NEK1: variants seen among roughly 807,000 people sequenced by gnomAD.
NEK1 encodes the protein NIMA related kinase 1, also known as serine/threonine-protein kinase Nek1.
In NEK1, 137 loss-of-function variants were observed where a neutral mutation model predicts 182.1. The ratio of observed to expected loss-of-function variants is 0.75; its 90% CI spans 0.65 to 0.87. NEK1 has a LOEUF of 0.87. Ranked by LOEUF, NEK1 falls within the 40% of genes least tolerant of loss-of-function variation. NEK1 has a pLI of 0.00. For synonymous variants in NEK1, 513 were observed against 492.2 expected (o/e 1.04, Z -0.56); for missense variants, 1,391 against 1,494.4 (o/e 0.93, Z 1.14).
intron 23 of NEK1, among the ~76,000 whole-genome samples, chr4:169,494,510 G>A (rs1263839747): frequency 6.6e-6 from 1 of 152,134 alleles, no homozygotes; most frequent in African/African-American, 2.4e-5. Context: ...TTGGACATCT[G>A]GGTTGGTTCC....
intron 7 of NEK1, 99 bp from the exon 8 acceptor site, chr4:169,588,834 TC>T: frequency 1.4e-6 from 1 of 735,068 alleles, no homozygotes; most frequent in East Asian, 2.7e-5. Context: ...ATGATGCTGG[TC>T]CCATAAGATT....
At chr4:169,475,764 CA>C (rs1400045787) in intron 26 of NEK1, among the ~76,000 whole-genome samples, 1 of 151,966 alleles carries the variant, frequency 6.6e-6, no homozygotes, top group Non-Finnish European at 1.5e-5. Flanking sequence ...GATAGAAAAA[CA>C]ACTCCTTAAA....
intron 21 of NEK1, 98 bp downstream of exon 21, chr4:169,508,150 T>C: frequency 9.8e-7 from 1 of 1,021,746 alleles, no homozygotes; most frequent in East Asian, 2.8e-5. Context: ...GTCATCAGTT[T>C]TGTTGTTGTT....
chr4:169,423,236 G>A (rs953259565), intron 31 of NEK1, among the ~76,000 whole-genome samples: 2 of 152,080 alleles, frequency 1.3e-5, no homozygotes, highest in African/African-American at 4.8e-5. Context: ...CCAAATAGCT[G>A]GGATTACAGG....
intron 23 of NEK1, among the ~76,000 whole-genome samples, chr4:169,503,226 G>C (rs1171334368): frequency 1.3e-5 from 2 of 152,088 alleles, no homozygotes; most frequent in East Asian, 3.9e-4. Context: ...GAAAATCATA[G>C]ATGACATAAA....
intron 30 of NEK1, 93 bp from the exon 31 acceptor site, chr4:169,424,893 A>T (rs1736107279): frequency 7.6e-7 from 1 of 1,313,096 alleles, no homozygotes; most frequent in Non-Finnish European, 1.0e-6. Context: ...CACAAATTCT[A>T]GCAAAAAACC....
At chr4:169,467,286 C>G (rs1464888018) in intron 26 of NEK1, among the ~76,000 whole-genome samples, 1 of 152,000 alleles carries the variant, frequency 6.6e-6, no homozygotes, top group African/African-American at 2.4e-5. Context: ...AGATTTTTGA[C>G]TACACGGGGG....
chr4:169,502,911 C>T (rs1256279482), intron 23 of NEK1, among the ~76,000 whole-genome samples: 2 of 152,078 alleles, frequency 1.3e-5, no homozygotes, highest in South Asian at 2.1e-4. Flanking sequence ...AAATAAAAGA[C>T]ATCCAAATAG....
intron 11 of NEK1, among the ~76,000 whole-genome samples, chr4:169,577,948 T>C (rs1357312303): frequency 6.6e-6 from 1 of 152,014 alleles, no homozygotes; most frequent in African/African-American, 2.4e-5. Flanking sequence ...CTTAAAACAA[T>C]CATTATCATT....
intron 26 of NEK1, among the ~76,000 whole-genome samples, chr4:169,465,786 T>C (rs781050037): frequency 2.0e-5 from 3 of 152,038 alleles, no homozygotes; most frequent in African/African-American, 4.8e-5. Context: ...ACTAATAATA[T>C]AGATTGCTGC....
chr4:169,496,907 T>C (rs1314649200), intron 23 of NEK1, among the ~76,000 whole-genome samples: 5 of 152,238 alleles, frequency 3.3e-5, no homozygotes, highest in South Asian at 2.1e-4. Flanking sequence ...ATCAGGATGA[T>C]GTTGGCCTCA....
chr4:169,453,043 G>A (rs370382057), intron 27 of NEK1, among the ~76,000 whole-genome samples: 20 of 152,250 alleles, frequency 1.3e-4, no homozygotes, highest in African/African-American at 4.6e-4. Context: ...GCCAAATCAT[G>A]AGTGAACTCC....
At chr4:169,416,386 A>T (rs1029901507) in intron 31 of NEK1, among the ~76,000 whole-genome samples, 1 of 152,214 alleles carries the variant, frequency 6.6e-6, no homozygotes, top group Non-Finnish European at 1.5e-5. Flanking sequence ...GTTCCTTCTC[A>T]AACCGTGTGG....
chr4:169,416,701 T>A (rs1306282639), intron 31 of NEK1, among the ~76,000 whole-genome samples: 1 of 152,148 alleles, frequency 6.6e-6, no homozygotes, highest in Non-Finnish European at 1.5e-5. Context: ...GCCCAGGAGT[T>A]CCAGACCAGT....
chr4:169,450,729 C>T (rs1010131467), intron 27 of NEK1, among the ~76,000 whole-genome samples: 5 of 152,180 alleles, frequency 3.3e-5, no homozygotes, highest in Middle Eastern at 3.2e-3. Flanking sequence ...ACCACTGATG[C>T]TATGAAGAAA....
chr4:169,578,936 G>A (rs77014258), intron 11 of NEK1, among the ~76,000 whole-genome samples: 5,196 of 152,098 alleles, frequency 0.034, 323 homozygotes, highest in African/African-American at 0.12. Context: ...AATCAAATTA[G>A]AACATACACA....
Position 169,393,126 on chromosome 4 carries a change from T to C in NEK1, c.*1384A>G, listed in dbSNP as rs1579235466. On this transcript the variant is annotated 3_prime_UTR_variant, in exon 36 of 36. Transcript: ENST00000507142. ...CCAAAATCATGCCCATCTTTCAGGA[T>C]TGTAAAGAATTAAAATATTGAATTC... 6.6e-6 allele frequency: 1 copy of C among 152,290 alleles called. No homozygotes were observed. Among genetic ancestry groups the C allele is most frequent in the Admixed American group, 6.5e-5 (1 of 15,302 alleles). The allele number at this position is 152,290 out of a possible 1,614,324, so 9.4% of individuals were successfully genotyped here. A position where few individuals can be genotyped will look rare whatever the true frequency, so the allele number is the denominator to read the frequency against.
chr4:169,521,511 C>A (rs546660585), intron 19 of NEK1, among the ~76,000 whole-genome samples: 1 of 152,150 alleles, frequency 6.6e-6, no homozygotes, highest in African/African-American at 2.4e-5. Flanking sequence ...TGTTCCTATT[C>A]GGCCATCTTG....
chr4:169,609,554 A>G (rs1256312691), intron 2 of NEK1, among the ~76,000 whole-genome samples: 1 of 152,170 alleles, frequency 6.6e-6, no homozygotes, highest in Non-Finnish European at 1.5e-5. Flanking sequence ...GTTTAGTAAA[A>G]GGAAATACAT....
Sources: allele counts gnomAD v4.1 joint callset (sites outside exome capture counted in the v4.1 genomes callset), GRCh38; gene constraint gnomAD v4.1.1; transcripts MANE v1.5; gene names NCBI Gene and HGNC (gene_info 2026-07-23, HGNC 2026-07-21).